Variants in TEKT5 observed in about 807,000 individuals in gnomAD.
The protein encoded by TEKT5 is tektin-5.
In TEKT5, 52 loss-of-function variants were observed where a neutral mutation model predicts 48.7. That is an observed-to-expected ratio of 1.07 (90% CI 0.86 to 1.35). The LOEUF (loss-of-function observed/expected upper bound fraction) is 1.35. Among genes scored for constraint, TEKT5 ranks in the 40% most tolerant of loss-of-function variants. The probability of loss-of-function intolerance (pLI) is 0.00; values close to 1 mark genes in which losing one functional copy is unlikely to be tolerated. For synonymous variants in TEKT5, 318 were observed against 267.6 expected (o/e 1.19, Z -1.84); for missense variants, 831 against 641.6 (o/e 1.30, Z -3.19).
intron 3 of TEKT5, among the ~76,000 whole-genome samples, chr16:10,685,550 G>A (rs985703343): frequency 3.3e-5 from 5 of 152,012 alleles, no homozygotes; most frequent in South Asian, 2.1e-4. Context: ...ACCCACCTCG[G>A]CCTCCCAAAG....
At chr16:10,633,935 T>C (rs1037708973) in intron 6 of TEKT5, among the ~76,000 whole-genome samples, 28 of 152,142 alleles carry the variant, frequency 1.8e-4, no homozygotes, top group African/African-American at 6.5e-4. Context: ...ACTGAGGCTG[T>C]GCAAAAATCA....
chr16:10,670,864 T>A (rs1898537736), intron 5 of TEKT5, among the ~76,000 whole-genome samples: 1 of 151,812 alleles, frequency 6.6e-6, no homozygotes. Flanking sequence ...TATTTTTATT[T>A]ATTTATTTAT....
At chr16:10,689,884 G>A in intron 2 of TEKT5, 58 bp downstream of exon 2, 1 of 1,563,346 alleles carries the variant, frequency 6.4e-7, no homozygotes, top group Non-Finnish European at 8.8e-7. Flanking sequence ...TAATTTCTCT[G>A]ACCTGCTGGC....
At chr16:10,685,503 GC>G (rs1898848180) in intron 3 of TEKT5, among the ~76,000 whole-genome samples, 1 of 152,008 alleles carries the variant, frequency 6.6e-6, no homozygotes, top group Non-Finnish European at 1.5e-5. Context: ...CACCATTTTG[GC>G]CAGACTGGTC....
chr16:10,680,685 AATG>A (rs1332445439), intron 4 of TEKT5, among the ~76,000 whole-genome samples: 1 of 151,844 alleles, frequency 6.6e-6, no homozygotes, highest in Non-Finnish European at 1.5e-5. Flanking sequence ...AGCCATAAAA[AATG>A]ATGAGTTCAT....
Position 10,635,583 on chromosome 16 carries a change from C to A in TEKT5, c.1241+181G>T, listed in dbSNP as rs75819287. ...TGAGGAAGCCACGCAGTGGTACAGC[C>A]CGAGCTGCATCTCAGAACTCCACCC... On this transcript the variant is annotated intron_variant, in intron 6 of 6. Transcript: ENST00000283025. Among the ~76,000 whole-genome samples, 288 of 152,204 alleles carry A rather than the reference C, an allele frequency of 1.9e-3. 4 individuals carry two copies. Among genetic ancestry groups the A allele is most frequent in the African/African-American group, 6.7e-3 (277 of 41,518 alleles).
chr16:10,638,547 A>C (rs1341607469), intron 5 of TEKT5, among the ~76,000 whole-genome samples: 1 of 152,232 alleles, frequency 6.6e-6, no homozygotes, highest in African/African-American at 2.4e-5. Flanking sequence ...AGGATGTGCC[A>C]GTGCAACTCA....
At position 10,635,755 on chromosome 16, in the gene TEKT5, C is replaced by A; in HGVS notation, c.1241+9G>T. 1 of 1,609,308 alleles carries A rather than the reference C, an allele frequency of 6.2e-7. No homozygotes were observed. The highest frequency in any genetic ancestry group is 1.1e-5 in the South Asian group (1 of 90,830). ...GGTTCTCCTGCCTCCTCTGGCCTCCCTCACTTACTTCAACTGCGGGATGTC... is the reference window on the plus strand; with the variant it reads ...GGTTCTCCTGCCTCCTCTGGCCTCCATCACTTACTTCAACTGCGGGATGTC... On this transcript the variant is annotated intron_variant, in intron 6 of 6. Transcript: ENST00000283025.
intron 5 of TEKT5, among the ~76,000 whole-genome samples, chr16:10,666,307 T>G (rs764798672): frequency 2.6e-5 from 4 of 152,166 alleles, no homozygotes; most frequent in African/African-American, 9.7e-5. Context: ...CTGGAGGTCT[T>G]CTACCTCCTC....
intron 4 of TEKT5, among the ~76,000 whole-genome samples, chr16:10,679,168 C>T (rs569009072): frequency 3.0e-4 from 45 of 152,160 alleles, no homozygotes; most frequent in East Asian, 2.7e-3. Context: ...ACAGAGTAAG[C>T]GCCCAAAAAA....
intron 5 of TEKT5, among the ~76,000 whole-genome samples, chr16:10,657,603 TC>T (rs1198501792): frequency 6.8e-6 from 1 of 148,044 alleles, no homozygotes; most frequent in African/African-American, 2.6e-5. Context: ...TTTTTTTTTT[TC>T]CCTGAGATGG....
chr16:10,681,595 ATTT>A (rs35402400), intron 4 of TEKT5, among the ~76,000 whole-genome samples: 2 of 142,790 alleles, frequency 1.4e-5, no homozygotes, highest in Non-Finnish European at 1.5e-5. Context: ...TTGTTTCGGA[ATTT>A]TTTTTTTTTT....
At chr16:10,675,856 G>T in intron 5 of TEKT5, 103 bp downstream of exon 5, 1 of 1,158,766 alleles carries the variant, frequency 8.6e-7, no homozygotes, top group Non-Finnish European at 1.3e-6. Flanking sequence ...GTACTGCTTT[G>T]GCACCAGGGG....
chr16:10,632,491 T>G, intron 6 of TEKT5, among the ~76,000 whole-genome samples: 1 of 152,098 alleles, frequency 6.6e-6, no homozygotes, highest in South Asian at 2.1e-4. Context: ...AGATGGGGTC[T>G]TGCTATGTTG....
At chr16:10,665,267 A>C (rs1361895818) in intron 5 of TEKT5, among the ~76,000 whole-genome samples, 1 of 152,154 alleles carries the variant, frequency 6.6e-6, no homozygotes, top group Non-Finnish European at 1.5e-5. Flanking sequence ...ATGACACCGC[A>C]ACCCTCTGCC....
In TEKT5 at chr16:10,676,100, CTGGA is replaced by C. The variant is rs1285525782; in HGVS notation, c.941_944del (p.Ile314SerfsTer35). 2.5e-6 allele frequency: 4 copies of C among 1,614,084 alleles called. No homozygotes were observed. Among genetic ancestry groups the C allele is most frequent in the Non-Finnish European group, 3.4e-6 (4 of 1,180,060 alleles). ...AGAGGTGCTCCGCCTCCTCCCGCAG[CTGGA>C]TGGAGTTGGCCCGCATGTTCTGAGA... On this transcript the variant is annotated frameshift_variant, in exon 5 of 7. Coordinates refer to ENST00000283025, the MANE Select transcript of TEKT5 (RefSeq NM_144674.2). LOFTEE classifies it high-confidence loss of function.
chr16:10,663,909 C>T (rs1898416495), intron 5 of TEKT5, among the ~76,000 whole-genome samples: 1 of 152,212 alleles, frequency 6.6e-6, no homozygotes, highest in South Asian at 2.1e-4. Context: ...AGTGGTAGCC[C>T]AGCTGCTTTC....
chr16:10,678,746 A>C (rs897086387), intron 4 of TEKT5, among the ~76,000 whole-genome samples: 65 of 152,220 alleles, frequency 4.3e-4, no homozygotes, highest in African/African-American at 1.5e-3. Context: ...TCAGTGTCAT[A>C]AACAGCAACC....
rs1387221622 is a variant in TEKT5, at chr16:10,677,700, G to C, written c.864-1519C>G. Among the ~76,000 whole-genome samples, 2 of 97,718 alleles carry C rather than the reference G, an allele frequency of 2.0e-5. 1 individual carries two copies. The highest frequency in any genetic ancestry group is 1.4e-4 in the African/African-American group (2 of 14,088). The allele number at this position is 97,718 out of a possible 152,430, so 64.1% of individuals were successfully genotyped here. On this transcript the variant is annotated intron_variant, in intron 4 of 6. Coordinates refer to ENST00000283025, the MANE Select transcript of TEKT5 (RefSeq NM_144674.2). ...AAAGGAAGCAATAGGTGTTATAAAA[G>C]CCCCAGAAAAGGAGGAACCATGGTT...
Sources: gnomAD v4.1 joint callset for allele counts (sites outside exome capture counted in the v4.1 genomes callset) on GRCh38, gnomAD v4.1.1 for gene constraint, MANE v1.5 for transcripts, NCBI Gene and HGNC (gene_info 2026-07-23, HGNC 2026-07-21) for gene names.